The following ADIPOR2 variants were observed in gnomAD, a reference collection of about 807,000 sequenced individuals.
ADIPOR2 encodes adiponectin receptor protein 2.
A neutral mutation model predicts 40.9 loss-of-function variants in ADIPOR2; 18 were observed. The observed-to-expected ratio is 0.44, with a 90% confidence interval of 0.30 to 0.65. The LOEUF is 0.65. Ranked by LOEUF, ADIPOR2 falls within the 30% of genes least tolerant of loss-of-function variation. ADIPOR2 has a pLI of 0.09. For synonymous variants in ADIPOR2, 165 were observed against 166.4 expected (o/e 0.99, Z 0.06); for missense variants, 283 against 479.2 (o/e 0.59, Z 3.82).
chr12:1,718,736 C>T (rs2094692375), intron 1 of ADIPOR2, among the ~76,000 whole-genome samples: 1 of 152,120 alleles, frequency 6.6e-6, no homozygotes, highest in Non-Finnish European at 1.5e-5. Context: ...CAATAAGAGA[C>T]CAGCAGTGTG....
At chr12:1,757,012 TGAG>T (rs1320784633) in intron 2 of ADIPOR2, among the ~76,000 whole-genome samples, 1 of 152,168 alleles carries the variant, frequency 6.6e-6, no homozygotes, top group Non-Finnish European at 1.5e-5. Flanking sequence ...GAAGATATAT[TGAG>T]GAGTCAGTAA....
intron 1 of ADIPOR2, among the ~76,000 whole-genome samples, chr12:1,734,678 A>G (rs1349725886): frequency 1.3e-5 from 2 of 152,200 alleles, no homozygotes; most frequent in Non-Finnish European, 2.9e-5. Context: ...GTCCTTGCCC[A>G]TGCCTATGTC....
chr12:1,757,930 C>CA, intron 2 of ADIPOR2: 2 of 950,164 alleles, frequency 2.1e-6, no homozygotes, highest in Non-Finnish European at 1.7e-6. Context: ...GGACGAGGAG[C>CA]AAACACACCG....
intron 1 of ADIPOR2, among the ~76,000 whole-genome samples, chr12:1,703,646 G>T (rs1276377027): frequency 6.6e-6 from 1 of 152,056 alleles, no homozygotes; most frequent in African/African-American, 2.4e-5. Flanking sequence ...GAACCTGGGA[G>T]GTCAAGGCTG....
At position 1,754,238 on chromosome 12, in the gene ADIPOR2, C is replaced by A; in HGVS notation, c.-86-20C>A. ...CCAGCACTCCTTTAATGCATTTTTT[C>A]AAAACTTTCATCTTCTTAGGATCAA... On this transcript the variant is annotated intron_variant, in intron 1 of 7. Coordinates refer to ENST00000357103, the MANE Select transcript of ADIPOR2 (RefSeq NM_024551.3). The A allele has an allele frequency of 8.3e-7, 1 of 1,202,208 alleles. No individual in the cohort carries two copies. The highest frequency in any genetic ancestry group is 1.1e-6 in the Non-Finnish European group (1 of 904,988). The allele number at this position is 1,202,208 out of a possible 1,614,324, so 74.5% of individuals were successfully genotyped here.
At chr12:1,723,462 T>TG (rs1227898108) in intron 1 of ADIPOR2, among the ~76,000 whole-genome samples, 1 of 50,888 alleles carries the variant, frequency 2.0e-5, no homozygotes, top group African/African-American at 6.3e-5. Context: ...CCGTCTCTAC[T>TG]GAAAAAAAAA....
chr12:1,705,366 T>A (rs2094660060), intron 1 of ADIPOR2, among the ~76,000 whole-genome samples: 1 of 152,204 alleles, frequency 6.6e-6, no homozygotes, highest in African/African-American at 2.4e-5. Flanking sequence ...AGCATTTTTA[T>A]GTACAGATTG....
At position 1,786,204 on chromosome 12, in the gene ADIPOR2, C is replaced by G; in HGVS notation, c.*132C>G. The G allele has an allele frequency of 1.6e-6, 2 of 1,236,528 alleles. No individual in the cohort carries two copies. Among genetic ancestry groups the G allele is most frequent in the South Asian group, 3.0e-5 (2 of 67,242 alleles). The allele number at this position is 1,236,528 out of a possible 1,614,324, so 76.6% of individuals were successfully genotyped here. On this transcript the variant is annotated 3_prime_UTR_variant, in exon 8 of 8. Coordinates refer to ENST00000357103, the MANE Select transcript of ADIPOR2 (RefSeq NM_024551.3). ...CAGCCTCGTGGGCTTTGTGACGGCC[C>G]AGTGGCTCTGCGTGGTACATGACTG...
intron 1 of ADIPOR2, among the ~76,000 whole-genome samples, chr12:1,744,940 C>CT (rs1033707753): frequency 2.0e-5 from 3 of 151,808 alleles, no homozygotes; most frequent in South Asian, 2.1e-4. Context: ...TATGTGCAGT[C>CT]TTTTTTTTGC....
chr12:1,783,796 A>G, intron 6 of ADIPOR2, 84 bp from the exon 7 acceptor site: 2 of 1,125,548 alleles, frequency 1.8e-6, no homozygotes, highest in Admixed American at 2.7e-5. Context: ...CAGTTTACAG[A>G]GTTAATGGTG....
At chr12:1,719,672 G>A (rs894507665) in intron 1 of ADIPOR2, among the ~76,000 whole-genome samples, 5 of 149,630 alleles carry the variant, frequency 3.3e-5, no homozygotes, top group African/African-American at 1.2e-4. Context: ...GTTTTTTTTT[G>A]TTTTCATCTT....
chr12:1,772,749 A>G, intron 2 of ADIPOR2, 93 bp from the exon 3 acceptor site: 1 of 1,456,192 alleles, frequency 6.9e-7, no homozygotes, highest in Non-Finnish European at 9.2e-7. Flanking sequence ...TTTGACCTTA[A>G]GAATTTCATT....
chr12:1,786,266 A>G lies in ADIPOR2; in HGVS notation c.*194A>G. The stretch of plus-strand genomic sequence containing the variant: ...ACAAAAATAAATCATACCTCAAAGG[A>G]TGGAGTGCATCAATTGGGAGAAAAG... On this transcript the variant is annotated 3_prime_UTR_variant, in exon 8 of 8. Coordinates refer to ENST00000357103, the MANE Select transcript of ADIPOR2 (RefSeq NM_024551.3). 1 of 615,558 alleles carries G rather than the reference A, an allele frequency of 1.6e-6. No homozygotes were observed. The highest frequency in any genetic ancestry group is 2.9e-5 in the South Asian group (1 of 34,734). 38.1% of individuals were successfully genotyped at this position (615,558 alleles called of 1,614,324 possible).
chr12:1,755,296 TCTC>T (rs1328694682), intron 2 of ADIPOR2, among the ~76,000 whole-genome samples: 1 of 152,052 alleles, frequency 6.6e-6, no homozygotes, highest in Non-Finnish European at 1.5e-5. Context: ...GCCAGGATGG[TCTC>T]CATCTCAACC....
intron 1 of ADIPOR2, among the ~76,000 whole-genome samples, chr12:1,701,842 C>T (rs917760754): frequency 6.6e-6 from 1 of 152,170 alleles, no homozygotes; most frequent in South Asian, 2.1e-4. Flanking sequence ...CATGTTGTGG[C>T]TGGGCACTGT....
Position 1,788,054 on chromosome 12 carries a change from T to C in ADIPOR2, c.*1982T>C, listed in dbSNP as rs1862874967. On this transcript the variant is annotated 3_prime_UTR_variant, in exon 8 of 8. Transcript: ENST00000357103. ...AGTTTCTTGGGAGCAACAGCACGTA[T>C]CAGAAGCCAGACTTGCTCTTCGGTC... 6.5e-6 allele frequency: 1 copy of C among 152,714 alleles called. No homozygotes were observed. The highest frequency in any genetic ancestry group is 6.5e-5 in the Admixed American group (1 of 15,282). The allele number at this position is 152,714 out of a possible 1,614,324, so 9.5% of individuals were successfully genotyped here.
chr12:1,719,661 A>G (rs560834815), intron 1 of ADIPOR2, among the ~76,000 whole-genome samples: 4 of 151,810 alleles, frequency 2.6e-5, no homozygotes, highest in Non-Finnish European at 5.9e-5. Context: ...ACTCAGCAGA[A>G]GTTTTTTTTT....
At position 1,738,018 on chromosome 12, in the gene ADIPOR2, C is replaced by T. The variant is rs117406388; in HGVS notation, c.-86-16240C>T. 7.2e-4 allele frequency among the ~76,000 whole-genome samples: 110 copies of T among 152,152 alleles called. 1 individual carries two copies. The East Asian group carries it at 0.019, about 26-fold the overall frequency. On this transcript the variant is annotated intron_variant, in intron 1 of 7. Transcript: ENST00000357103. ...GCAGGGGTGGGAATAAATGTCACAG[C>T]ATTACCACTACTTGATTTGATTTTA... is the stretch of plus-strand genomic sequence containing the variant.
intron 1 of ADIPOR2, among the ~76,000 whole-genome samples, chr12:1,705,313 G>T (rs1419177013): frequency 6.6e-6 from 1 of 152,056 alleles, no homozygotes; most frequent in Non-Finnish European, 1.5e-5. Flanking sequence ...GATTTTTCAG[G>T]ATTTCCCTGA....
Sources: allele counts gnomAD v4.1 joint callset (sites outside exome capture counted in the v4.1 genomes callset), GRCh38; gene constraint gnomAD v4.1.1; transcripts MANE v1.5; gene names NCBI Gene and HGNC (gene_info 2026-07-23, HGNC 2026-07-21).